The following SECISBP2 variants were observed in gnomAD, a reference collection of about 807,000 sequenced individuals.
SECISBP2 encodes selenocysteine insertion sequence-binding protein 2.
A neutral mutation model predicts 98.2 loss-of-function variants in SECISBP2; 96 were observed. The observed-to-expected ratio is 0.98, with a 90% confidence interval of 0.83 to 1.16. The LOEUF is 1.16. Ranked by LOEUF, SECISBP2 falls within the 50% of genes most tolerant of loss-of-function variation. The pLI is 0.00. For missense variants in SECISBP2, 1,046 were observed against 1,022.9 expected, an observed-to-expected ratio of 1.02 and a Z score of -0.31; for synonymous variants, 407 against 370.2, an observed-to-expected ratio of 1.10 and a Z score of -1.14.
chr9:89,320,977 C>G (rs558798992), intron 2 of SECISBP2, among the ~76,000 whole-genome samples: 64 of 152,224 alleles, frequency 4.2e-4, no homozygotes, highest in African/African-American at 1.5e-3. Context: ...ATTATATTTG[C>G]AAGAATGAGA....
At chr9:89,347,544 C>T (rs1241188253) in intron 11 of SECISBP2, among the ~76,000 whole-genome samples, 1 of 144,310 alleles carries the variant, frequency 6.9e-6, no homozygotes, top group Non-Finnish European at 1.5e-5. Flanking sequence ...GCGATCTCGG[C>T]TCACTGCAAC....
intron 2 of SECISBP2, among the ~76,000 whole-genome samples, chr9:89,320,904 T>G (rs1825691539): frequency 6.6e-6 from 1 of 152,268 alleles, no homozygotes. Flanking sequence ...TCTAACTTGT[T>G]TCCTTTTATT....
At chr9:89,327,863 T>C (rs959419093) in intron 4 of SECISBP2, among the ~76,000 whole-genome samples, 2 of 150,714 alleles carry the variant, frequency 1.3e-5, no homozygotes, top group African/African-American at 4.9e-5. Context: ...CAGGCTGGAG[T>C]GCAGTGGCAC....
At chr9:89,334,335 C>G (rs1335529601) in intron 6 of SECISBP2, among the ~76,000 whole-genome samples, 187 bp from the exon 7 acceptor site, 1 of 152,194 alleles carries the variant, frequency 6.6e-6, no homozygotes, top group African/African-American at 2.4e-5. Flanking sequence ...GAAAAAAATG[C>G]AGCATGCATG....
chr9:89,331,191 G>A (rs529554209), intron 5 of SECISBP2, among the ~76,000 whole-genome samples: 8 of 152,048 alleles, frequency 5.3e-5, no homozygotes, highest in South Asian at 2.1e-4. Flanking sequence ...TTATAAATAC[G>A]TACAGTCTTA....
intron 4 of SECISBP2, 113 bp downstream of exon 4, chr9:89,326,151 A>G (rs1826667846): frequency 2.3e-6 from 3 of 1,307,878 alleles, no homozygotes; most frequent in Non-Finnish European, 3.3e-6. Context: ...CTACTCCAAG[A>G]AATGAGACCT....
At chr9:89,333,833 G>A (rs1828170329) in intron 6 of SECISBP2, among the ~76,000 whole-genome samples, 1 of 152,172 alleles carries the variant, frequency 6.6e-6, no homozygotes, top group Non-Finnish European at 1.5e-5. Context: ...TTCATAGGGT[G>A]TTTTCTTTTG....
rs762502221 is a variant in SECISBP2, at chr9:89,339,853, G to A, written c.1213-11G>A. 6.2e-7 allele frequency: 1 copy of A among 1,603,228 alleles called. No homozygotes were observed. Among genetic ancestry groups the A allele is most frequent in the Non-Finnish European group, 8.5e-7 (1 of 1,170,526 alleles). On this transcript the variant is annotated splice_polypyrimidine_tract_variant and intron_variant, in intron 8 of 16. Transcript: ENST00000375807. The stretch of plus-strand genomic sequence containing the variant: ...TAACAAAAGAGCTAAAGGGGTGTGT[G>A]GTTTACTTAGGATGCCGAGGAATTT...
intron 3 of SECISBP2, 84 bp downstream of exon 3, chr9:89,325,760 ATATT>A: frequency 6.3e-7 from 1 of 1,598,364 alleles, no homozygotes; most frequent in East Asian, 2.2e-5. Context: ...TTTGTACATC[ATATT>A]TAAGTATCAT....
chr9:89,360,569 G>T (rs1310253965), downstream of SECISBP2, among the ~76,000 whole-genome samples: 1 of 152,158 alleles, frequency 6.6e-6, no homozygotes, highest in Non-Finnish European at 1.5e-5. Flanking sequence ...GAGTAGGTAG[G>T]CTTTTCAACA....
intron 8 of SECISBP2, among the ~76,000 whole-genome samples, chr9:89,339,450 G>T (rs1430334291): frequency 2.0e-5 from 3 of 152,136 alleles, no homozygotes; most frequent in Non-Finnish European, 2.9e-5. Flanking sequence ...TTAAAAAATG[G>T]TTTTTTAGCA....
intron 2 of SECISBP2, among the ~76,000 whole-genome samples, chr9:89,321,036 T>C (rs1002936600): frequency 3.3e-5 from 5 of 152,248 alleles, no homozygotes; most frequent in African/African-American, 1.2e-4. Context: ...GTTTAGGAAA[T>C]ACTGAAAGTT....
chr9:89,333,443 T>A (rs1028557636), intron 6 of SECISBP2, among the ~76,000 whole-genome samples: 4 of 152,234 alleles, frequency 2.6e-5, no homozygotes, highest in African/African-American at 9.6e-5. Flanking sequence ...GAAAACCGTT[T>A]TTCAAAATTA....
intron 12 of SECISBP2, among the ~76,000 whole-genome samples, chr9:89,349,287 T>C (rs916436517): frequency 6.6e-6 from 1 of 152,340 alleles, no homozygotes; most frequent in Admixed American, 6.5e-5. Context: ...ATCTGGTGTG[T>C]TTAAACTAAA....
chr9:89,327,080 T>C (rs2131609247), intron 4 of SECISBP2, among the ~76,000 whole-genome samples: 1 of 151,458 alleles, frequency 6.6e-6, no homozygotes, highest in South Asian at 2.1e-4. Flanking sequence ...GAGAATGGCA[T>C]GAACCCGGGA....
At chr9:89,350,546 C>T (rs567029368) in intron 13 of SECISBP2, 86 bp from the exon 14 acceptor site, 21 of 1,173,636 alleles carry the variant, frequency 1.8e-5, no homozygotes, top group South Asian at 1.1e-4. Context: ...ATGCAGTCTA[C>T]GTCTCTTCTC....
chr9:89,328,032 G>A (rs553393891), intron 4 of SECISBP2, among the ~76,000 whole-genome samples: 28 of 152,118 alleles, frequency 1.8e-4, no homozygotes, highest in South Asian at 8.3e-4. Flanking sequence ...TCTGGAACTC[G>A]TGGCTGCATC....
intron 1 of SECISBP2, 175 bp downstream of exon 1, chr9:89,318,787 T>C: frequency 8.0e-6 from 10 of 1,247,270 alleles, no homozygotes; most frequent in Non-Finnish European, 1.0e-5. Flanking sequence ...GGGTCCGCCT[T>C]GGGGTGGCGG....
intron 16 of SECISBP2, among the ~76,000 whole-genome samples, chr9:89,358,459 G>A (rs926659629): frequency 2.0e-5 from 3 of 151,232 alleles, no homozygotes; most frequent in African/African-American, 7.3e-5. Flanking sequence ...GGAAGGCCAA[G>A]TAAAGGTTCA....
Sources: allele counts gnomAD v4.1 joint callset (sites outside exome capture counted in the v4.1 genomes callset), GRCh38; gene constraint gnomAD v4.1.1; transcripts MANE v1.5; gene names NCBI Gene and HGNC (gene_info 2026-07-23, HGNC 2026-07-21).